SPTLC3: variants seen among roughly 807,000 people sequenced by gnomAD.
SPTLC3 encodes serine palmitoyltransferase 3.
Under a neutral mutation model 59.3 loss-of-function variants are expected in SPTLC3, and 36 were observed. That is an observed-to-expected ratio of 0.61 (90% CI 0.47 to 0.80). SPTLC3 has a LOEUF of 0.80. Ranked by LOEUF, SPTLC3 falls within the 30% of genes least tolerant of loss-of-function variation. The pLI, the probability that SPTLC3 is intolerant of heterozygous loss-of-function variation, is 0.00. For synonymous variants in SPTLC3, 257 were observed against 240.8 expected, an observed-to-expected ratio of 1.07 and a Z score of -0.62; for missense variants, 625 against 685.1, an observed-to-expected ratio of 0.91 and a Z score of 0.98.
At chr20:13,112,719 CCACATT>C (rs1396152297) in intron 7 of SPTLC3, among the ~76,000 whole-genome samples, 1 of 152,304 alleles carries the variant, frequency 6.6e-6, no homozygotes, top group East Asian at 1.9e-4. Flanking sequence ...ACCTAAAAGG[CCACATT>C]CACAGATAGG....
chr20:13,038,089 T>C (rs117160448), intron 1 of SPTLC3, among the ~76,000 whole-genome samples: 1,886 of 149,810 alleles, frequency 0.013, 28 homozygotes, highest in Admixed American at 0.051. Context: ...CTGTATTCTG[T>C]CTGCCATATG....
At chr20:13,150,640 C>T (rs895486861) in intron 9 of SPTLC3, among the ~76,000 whole-genome samples, 1 of 152,174 alleles carries the variant, frequency 6.6e-6, no homozygotes, top group African/African-American at 2.4e-5. Flanking sequence ...TCAGATTCAT[C>T]CTACTCCTAC....
intron 2 of SPTLC3, among the ~76,000 whole-genome samples, chr20:13,061,447 C>T (rs964716469): frequency 2.6e-5 from 4 of 152,230 alleles, no homozygotes; most frequent in Non-Finnish European, 5.9e-5. Context: ...TTCCACCTGC[C>T]ACCACGGGAC....
At chr20:13,080,376 C>T (rs1568592418) in intron 4 of SPTLC3, among the ~76,000 whole-genome samples, 2 of 151,976 alleles carry the variant, frequency 1.3e-5, no homozygotes, top group Non-Finnish European at 2.9e-5. Context: ...GATGTGGTGG[C>T]ATGCGCCTGT....
At chr20:13,035,384 A>T (rs1288993896) in intron 1 of SPTLC3, among the ~76,000 whole-genome samples, 1 of 152,144 alleles carries the variant, frequency 6.6e-6, no homozygotes, top group Non-Finnish European at 1.5e-5. Flanking sequence ...GAGCAACTAG[A>T]TTTCTTCTAC....
chr20:13,083,119 A>G (rs1159008069), intron 4 of SPTLC3, among the ~76,000 whole-genome samples: 1 of 152,232 alleles, frequency 6.6e-6, no homozygotes. Context: ...TAGACAGGAC[A>G]TAACCTAAAT....
At chr20:13,067,481 T>G (rs1600247473) in intron 2 of SPTLC3, among the ~76,000 whole-genome samples, 1 of 152,192 alleles carries the variant, frequency 6.6e-6, no homozygotes. Flanking sequence ...TCTGTCTTTG[T>G]GATTCTTCTG....
intron 4 of SPTLC3, among the ~76,000 whole-genome samples, chr20:13,077,125 A>C (rs1231237126): frequency 6.6e-6 from 1 of 152,138 alleles, no homozygotes; most frequent in African/African-American, 2.4e-5. Context: ...AGCAAAGAAC[A>C]AAAAAATGAT....
chr20:13,093,391 T>C, intron 5 of SPTLC3, 93 bp from the exon 6 acceptor site: 2 of 1,117,064 alleles, frequency 1.8e-6, no homozygotes, highest in Non-Finnish European at 2.6e-6. Context: ...AGAAATTGTG[T>C]TATAGGTTTT....
chr20:13,123,493 A>T (rs73898459), intron 8 of SPTLC3, among the ~76,000 whole-genome samples: 15,431 of 152,176 alleles, frequency 0.1, 1,443 homozygotes, highest in African/African-American at 0.25. Flanking sequence ...TAAGGCACAG[A>T]GAGATTTAGT....
In SPTLC3 at chr20:13,117,709, A is replaced by G; in HGVS notation, c.1136A>G (p.Tyr379Cys). The G allele has an allele frequency of 6.2e-7, 1 of 1,611,592 alleles. No homozygotes were observed. Among genetic ancestry groups the G allele is most frequent in the Middle Eastern group, 1.8e-4 (1 of 5,612 alleles). The change falls in exon 8 of 12, where the codon TAC (tyrosine) becomes TGC (cysteine). Residue 379 changes from tyrosine to cysteine, a missense_variant. Transcript: ENST00000399002. ...AAAAGTTTTGGAGCTTCAGGAGGTT[A>G]CATAGCTGGAAGGAAGGTAAGAGAG... ...FTKSFGASGG[Y>C]IAGRKDLVDY...
chr20:13,156,473 T>C lies in SPTLC3; in HGVS notation c.1415+2335T>C, dbSNP rs568338570. Among the ~76,000 whole-genome samples the C allele has an allele frequency of 2.8e-4, 43 of 152,338 alleles. 2 individuals are homozygous for C. The South Asian group carries it at 7.0e-3, about 25-fold the overall frequency. On this transcript the variant is annotated intron_variant, in intron 10 of 11. Transcript: ENST00000399002. ...TTGGAATCAAAAAGAAATTTGATTC[T>C]TCCTCTTCCTAGCTGGGGATTCTTG...
chr20:13,081,165 G>A (rs1048506041), intron 4 of SPTLC3, among the ~76,000 whole-genome samples: 4 of 152,130 alleles, frequency 2.6e-5, no homozygotes, highest in Non-Finnish European at 5.9e-5. Flanking sequence ...TCCCGCCTTT[G>A]CCACAAGCAG....
chr20:13,023,206 T>G (rs143250154), intron 1 of SPTLC3, among the ~76,000 whole-genome samples: 6 of 131,232 alleles, frequency 4.6e-5, no homozygotes, highest in African/African-American at 1.5e-4. Flanking sequence ...ACCCCCCAAC[T>G]TCCTGGCCCC....
At chr20:13,124,415 G>T (rs1303446857) in intron 8 of SPTLC3, among the ~76,000 whole-genome samples, 2 of 151,678 alleles carry the variant, frequency 1.3e-5, no homozygotes, top group Admixed American at 6.6e-5. Context: ...AGAAGAAACA[G>T]ATTTAAATAA....
intron 1 of SPTLC3, among the ~76,000 whole-genome samples, chr20:13,028,641 G>A (rs563109379): frequency 6.6e-6 from 1 of 152,130 alleles, no homozygotes; most frequent in African/African-American, 2.4e-5. Flanking sequence ...TCTTTAAAGT[G>A]TTATAGACTA....
chr20:13,021,417 A>T (rs1985874241), intron 1 of SPTLC3, among the ~76,000 whole-genome samples: 1 of 152,060 alleles, frequency 6.6e-6, no homozygotes, highest in Admixed American at 6.6e-5. Context: ...CCTGCTTTCA[A>T]GGCCAGACTC....
chr20:13,151,859 A>C (rs1000224198), intron 9 of SPTLC3, among the ~76,000 whole-genome samples: 3 of 152,052 alleles, frequency 2.0e-5, no homozygotes, highest in Non-Finnish European at 4.4e-5. Context: ...CAGGACCTCT[A>C]CCTAAAGTGA....
intron 6 of SPTLC3, among the ~76,000 whole-genome samples, chr20:13,100,584 C>A (rs867936096): frequency 2.1e-4 from 32 of 151,638 alleles, no homozygotes; most frequent in East Asian, 3.9e-4. Flanking sequence ...ACAACAACAA[C>A]AAAAAAAACA....
Sources: allele counts gnomAD v4.1 joint callset (sites outside exome capture counted in the v4.1 genomes callset), GRCh38; gene constraint gnomAD v4.1.1; transcripts MANE v1.5; gene names NCBI Gene and HGNC (gene_info 2026-07-23, HGNC 2026-07-21).